Variants in PALLD observed in about 807,000 individuals in gnomAD.
PALLD encodes the protein palladin, cytoskeletal associated protein.
PALLD carries 61 observed loss-of-function variants against 123.5 expected under a neutral mutation model. The observed-to-expected ratio is 0.49, with a 90% CI of 0.40 to 0.61. The LOEUF is 0.61. Ranked by LOEUF, PALLD falls within the 20% of genes least tolerant of loss-of-function variation. PALLD has a pLI of 0.00. For synonymous variants in PALLD, 465 were observed against 496.4 expected (o/e 0.94, Z 0.84); for missense variants, 1,273 against 1,377.0 (o/e 0.92, Z 1.20).
chr4:168,916,091 A>G (rs543534073), intron 17 of PALLD, 64 bp downstream of exon 17: 46 of 1,479,752 alleles, frequency 3.1e-5, no homozygotes, highest in Non-Finnish European at 4.0e-5. Context: ...CCATTTCTCT[A>G]TAGTTCCTTT....
At chr4:168,516,759 G>T (rs996638950) in intron 2 of PALLD, among the ~76,000 whole-genome samples, 3 of 152,164 alleles carry the variant, frequency 2.0e-5, no homozygotes, top group Non-Finnish European at 4.4e-5. Flanking sequence ...GGAGATAGTG[G>T]AATTGCCACC....
At chr4:168,576,102 AT>A (rs1287795462) in intron 2 of PALLD, among the ~76,000 whole-genome samples, 9 of 152,152 alleles carry the variant, frequency 5.9e-5, no homozygotes, top group Non-Finnish European at 4.4e-5. Flanking sequence ...TAAAGAATAT[AT>A]TTTTTAAAGT....
At chr4:168,714,679 G>A (rs1785166980) in intron 10 of PALLD, among the ~76,000 whole-genome samples, 1 of 152,120 alleles carries the variant, frequency 6.6e-6, no homozygotes, top group South Asian at 2.1e-4. Context: ...CAAAAGGAAA[G>A]GCTTATATTT....
intron 10 of PALLD, among the ~76,000 whole-genome samples, chr4:168,859,035 A>G (rs1254501358): frequency 6.6e-6 from 1 of 152,182 alleles, no homozygotes; most frequent in East Asian, 1.9e-4. Context: ...TATAAACTGG[A>G]GAAAAATTTG....
At chr4:168,629,322 A>AT (rs1191495450) in intron 2 of PALLD, among the ~76,000 whole-genome samples, 2 of 152,094 alleles carry the variant, frequency 1.3e-5, no homozygotes, top group African/African-American at 4.8e-5. Context: ...CCCTGCCTAT[A>AT]GTATTTTTAA....
intron 2 of PALLD, 93 bp from the exon 3 acceptor site, chr4:168,668,097 C>G: frequency 1.0e-6 from 1 of 966,950 alleles, no homozygotes; most frequent in South Asian, 1.3e-5. Flanking sequence ...CATCATTTTG[C>G]ATAGCAACCA....
chr4:168,793,709 A>T (rs1277000487), intron 10 of PALLD, among the ~76,000 whole-genome samples: 2 of 152,132 alleles, frequency 1.3e-5, no homozygotes, highest in Non-Finnish European at 2.9e-5. Context: ...CATCATAAAG[A>T]TACGCACAGG....
intron 2 of PALLD, among the ~76,000 whole-genome samples, chr4:168,583,095 A>G (rs941891637): frequency 1.3e-5 from 2 of 152,188 alleles, no homozygotes; most frequent in African/African-American, 4.8e-5. Flanking sequence ...TTTCAGCCCT[A>G]ATGTACTTAT....
At chr4:168,598,736 G>C in intron 2 of PALLD, 1 of 410,406 alleles carries the variant, frequency 2.4e-6, no homozygotes, top group South Asian at 1.9e-5. Context: ...ATCTGGACCT[G>C]AGCCTGAAGT....
chr4:168,755,499 G>C (rs187283355), intron 10 of PALLD, among the ~76,000 whole-genome samples: 91 of 152,212 alleles, frequency 6.0e-4, no homozygotes, highest in Non-Finnish European at 1.0e-3. Flanking sequence ...GGGCATGATG[G>C]GGAAGGGGGA....
chr4:168,809,863 CA>C (rs71588165), intron 10 of PALLD, among the ~76,000 whole-genome samples: 13 of 132,668 alleles, frequency 9.8e-5, no homozygotes, highest in Admixed American at 3.9e-4. Context: ...GACTCTGTCT[CA>C]AAAAAAAAAA....
chr4:168,871,724 C>G (rs1448749831), intron 10 of PALLD, among the ~76,000 whole-genome samples: 1 of 152,210 alleles, frequency 6.6e-6, no homozygotes, highest in Non-Finnish European at 1.5e-5. Context: ...TAGAAGCTGA[C>G]TTCGGATTCC....
At chr4:168,798,974 C>T (rs748767847) in intron 10 of PALLD, among the ~76,000 whole-genome samples, 3 of 152,148 alleles carry the variant, frequency 2.0e-5, no homozygotes, top group Admixed American at 6.5e-5. Flanking sequence ...AATCATGAAT[C>T]GGGCAGCCCG....
intron 2 of PALLD, among the ~76,000 whole-genome samples, chr4:168,562,801 G>T (rs1015548905): frequency 2.0e-5 from 3 of 152,080 alleles, no homozygotes; most frequent in Non-Finnish European, 4.4e-5. Flanking sequence ...AAAGGAGGTT[G>T]GCCCTCATTC....
chr4:168,704,166 A>C (rs971401812), intron 8 of PALLD, among the ~76,000 whole-genome samples: 4 of 151,792 alleles, frequency 2.6e-5, no homozygotes, highest in African/African-American at 9.7e-5. Flanking sequence ...GTGCTGGGAA[A>C]ACTGGCTAGC....
chr4:168,746,076 A>G, intron 10 of PALLD, among the ~76,000 whole-genome samples: 1 of 152,086 alleles, frequency 6.6e-6, no homozygotes, highest in East Asian at 1.9e-4. Flanking sequence ...TGGCCTATAC[A>G]ATGTCCCTGT....
intron 10 of PALLD, among the ~76,000 whole-genome samples, chr4:168,816,174 C>G (rs931339617): frequency 6.6e-6 from 1 of 152,080 alleles, no homozygotes; most frequent in African/African-American, 2.4e-5. Context: ...ACAGCTCTTT[C>G]TTAAATAGGG....
At chr4:168,679,395 G>A (rs1257036992) in intron 3 of PALLD, among the ~76,000 whole-genome samples, 2 of 121,034 alleles carry the variant, frequency 1.7e-5, no homozygotes, top group East Asian at 2.5e-4. Context: ...TGTGTGTGGT[G>A]TGCTGTGGGG....
intron 2 of PALLD, among the ~76,000 whole-genome samples, chr4:168,596,870 C>A (rs1224897212): frequency 6.6e-6 from 1 of 151,974 alleles, no homozygotes. Flanking sequence ...TCTCATTTAA[C>A]CTTAAAGGTA....
Sources: gnomAD v4.1 joint callset for allele counts (sites outside exome capture counted in the v4.1 genomes callset) on GRCh38, gnomAD v4.1.1 for gene constraint, MANE v1.5 for transcripts, NCBI Gene and HGNC (gene_info 2026-07-23, HGNC 2026-07-21) for gene names.